MAGI2: variants seen among roughly 807,000 people sequenced by gnomAD.
MAGI2 encodes membrane associated guanylate kinase, WW and PDZ domain containing 2.
In MAGI2, 35 loss-of-function variants were observed where a neutral mutation model predicts 133.3. The observed-to-expected ratio is 0.26, with a 90% confidence interval of 0.20 to 0.35. The LOEUF (loss-of-function observed/expected upper bound fraction) is 0.35, where lower values mean the gene tolerates loss of function less well. Among genes scored for constraint, MAGI2 ranks in the 10% least tolerant of loss-of-function variants. MAGI2 has a pLI of 1.00. For missense variants in MAGI2, 1,636 were observed against 1,863.4 expected, an observed-to-expected ratio of 0.88 and a Z score of 2.25; for synonymous variants, 729 against 710.6, an observed-to-expected ratio of 1.03 and a Z score of -0.41.
chr7:78,364,323 C>T (rs1288769227), intron 7 of MAGI2, among the ~76,000 whole-genome samples: 1 of 152,104 alleles, frequency 6.6e-6, no homozygotes, highest in African/African-American at 2.4e-5. Context: ...TACTCAAAGC[C>T]ATGAAGCATT....
At chr7:78,154,545 T>A (rs1824197216) in intron 16 of MAGI2, among the ~76,000 whole-genome samples, 1 of 152,254 alleles carries the variant, frequency 6.6e-6, no homozygotes, top group South Asian at 2.1e-4. Context: ...GTCCTGAATA[T>A]GTTCTAACCT....
At chr7:78,293,851 T>C (rs1187789718) in intron 9 of MAGI2, among the ~76,000 whole-genome samples, 2 of 152,090 alleles carry the variant, frequency 1.3e-5, no homozygotes, top group African/African-American at 2.4e-5. Context: ...AATCAAACAC[T>C]GCATGTTCTC....
At chr7:79,024,278 A>T (rs2159687) in intron 1 of MAGI2, among the ~76,000 whole-genome samples, 1 of 151,958 alleles carries the variant, frequency 6.6e-6, no homozygotes, top group South Asian at 2.1e-4. Context: ...CCGACTTGCC[A>T]TATGAAGAAG....
intron 20 of MAGI2, among the ~76,000 whole-genome samples, chr7:78,114,744 G>A (rs1819689012): frequency 6.6e-6 from 1 of 152,238 alleles, no homozygotes; most frequent in African/African-American, 2.4e-5. Flanking sequence ...TGACTGTGGA[G>A]TGTGTTCTCA....
At chr7:79,033,870 A>T (rs922689691) in intron 1 of MAGI2, among the ~76,000 whole-genome samples, 1 of 152,218 alleles carries the variant, frequency 6.6e-6, no homozygotes, top group South Asian at 2.1e-4. Flanking sequence ...GTAACAACTT[A>T]TCAGAGTAAT....
intron 2 of MAGI2, among the ~76,000 whole-genome samples, chr7:78,710,733 A>G (rs17384271): frequency 0.37 from 56,875 of 151,928 alleles, 10,893 homozygotes; most frequent in Middle Eastern, 0.45. Context: ...GCAGTTCTTG[A>G]AAGTCAAAAG....
chr7:78,547,979 C>T (rs1455417676), intron 3 of MAGI2, among the ~76,000 whole-genome samples: 1 of 152,200 alleles, frequency 6.6e-6, no homozygotes, highest in African/African-American at 2.4e-5. Flanking sequence ...CTTCTCACCT[C>T]TAGAATTGGA....
intron 3 of MAGI2, among the ~76,000 whole-genome samples, chr7:78,578,593 A>T (rs568571494): frequency 2.0e-5 from 3 of 152,282 alleles, no homozygotes; most frequent in African/African-American, 7.2e-5. Context: ...AACTAGAATT[A>T]TGGAGGATAT....
intron 2 of MAGI2, among the ~76,000 whole-genome samples, chr7:78,914,630 T>C (rs1798649114): frequency 6.6e-6 from 1 of 152,150 alleles, no homozygotes; most frequent in African/African-American, 2.4e-5. Flanking sequence ...ATTTCCTTAA[T>C]AAATACTATT....
intron 9 of MAGI2, among the ~76,000 whole-genome samples, chr7:78,280,952 G>T (rs1795510674): frequency 6.6e-6 from 1 of 151,468 alleles, no homozygotes; most frequent in African/African-American, 2.4e-5. Flanking sequence ...CACCATGGCA[G>T]AGCCATAATT....
chr7:79,000,155 A>G (rs1433460676), intron 2 of MAGI2: 1 of 152,152 alleles, frequency 6.6e-6, no homozygotes, highest in East Asian at 1.9e-4. Flanking sequence ...GTTCAACTTA[A>G]CATCCCAGAA....
chr7:78,445,138 C>G (rs988539722), intron 6 of MAGI2, among the ~76,000 whole-genome samples: 18 of 151,836 alleles, frequency 1.2e-4, no homozygotes, highest in African/African-American at 4.4e-4. Flanking sequence ...TCAGACCTAA[C>G]GGCTCTAGCT....
intron 6 of MAGI2, among the ~76,000 whole-genome samples, chr7:78,398,614 C>T (rs1796573826): frequency 1.3e-5 from 2 of 151,924 alleles, no homozygotes; most frequent in South Asian, 4.2e-4. Flanking sequence ...TTCTATAACC[C>T]AGGAATGTCT....
In MAGI2 at chr7:78,256,111, G is replaced by A. The variant is rs1183383569; in HGVS notation, c.1879C>T (p.Arg627Trp). ...FTIADSPTGQ[R>W]VKQILDIQGC... The stretch of plus-strand genomic sequence containing the variant: ...TGAATGTCAAGTATTTGTTTCACCC[G>A]CTGTCCTGTAGGACTGTCGGCAATA... Residue 627 changes from arginine (R) to tryptophan (W), a missense_variant, in exon 10 of 22, where the codon CGG becomes TGG. This residue lies in a region of MAGI2 where 920 missense variants were observed against 1,093.5 expected (regional missense o/e 0.84). Transcript: ENST00000354212. 1 of 1,613,682 alleles carries A rather than the reference G, an allele frequency of 6.2e-7. No individual in the cohort carries two copies. The highest frequency in any genetic ancestry group is 8.5e-7 in the Non-Finnish European group (1 of 1,179,886).
At chr7:79,218,676 GT>G (rs1459122892) in intron 1 of MAGI2, among the ~76,000 whole-genome samples, 2 of 152,050 alleles carry the variant, frequency 1.3e-5, no homozygotes, top group Non-Finnish European at 2.9e-5. Flanking sequence ...ATGCTACTCT[GT>G]AAAAAGTTGG....
intron 6 of MAGI2, among the ~76,000 whole-genome samples, chr7:78,458,146 A>C (rs966241674): frequency 6.6e-6 from 1 of 151,970 alleles, no homozygotes; most frequent in Non-Finnish European, 1.5e-5. Flanking sequence ...AAATACAGTA[A>C]TTAGCTGCGC....
At chr7:79,190,675 G>T (rs1313265070) in intron 1 of MAGI2, among the ~76,000 whole-genome samples, 1 of 151,666 alleles carries the variant, frequency 6.6e-6, no homozygotes, top group Non-Finnish European at 1.5e-5. Flanking sequence ...TTGGGTATTT[G>T]CATGTTCTAC....
intron 15 of MAGI2, among the ~76,000 whole-genome samples, chr7:78,162,589 A>G (rs1584214353): frequency 6.6e-6 from 1 of 151,690 alleles, no homozygotes; most frequent in South Asian, 2.1e-4. Flanking sequence ...AAAGGCTGGG[A>G]GTGGCAATGT....
intron 5 of MAGI2, among the ~76,000 whole-genome samples, chr7:78,496,457 C>A (rs999155768): frequency 1.3e-5 from 2 of 152,180 alleles, no homozygotes; most frequent in Non-Finnish European, 2.9e-5. Context: ...TAATGGGATT[C>A]CCAAAGCACG....
Sources: allele counts gnomAD v4.1 joint callset (sites outside exome capture counted in the v4.1 genomes callset), GRCh38; gene constraint gnomAD v4.1.1; regional missense constraint gnomAD v4.1.1; transcripts MANE v1.5; gene names NCBI Gene and HGNC (gene_info 2026-07-23, HGNC 2026-07-21).